The following ZNF385D variants were observed in gnomAD, a reference collection of about 807,000 sequenced individuals.
The protein encoded by ZNF385D is zinc finger protein 385D.
Under a neutral mutation model 35.8 loss-of-function variants are expected in ZNF385D, and 15 were observed. The observed-to-expected ratio is 0.42, with a 90% confidence interval of 0.28 to 0.64. The LOEUF (loss-of-function observed/expected upper bound fraction) is 0.64. Among genes scored for constraint, ZNF385D ranks in the 30% least tolerant of loss-of-function variants. ZNF385D has a pLI of 0.23. For synonymous variants in ZNF385D, 212 were observed against 186.8 expected (o/e 1.13, Z -1.10); for missense variants, 474 against 494.6 (o/e 0.96, Z 0.39).
At chr3:21,865,431 A>G (rs1697294170) in intron 3 of ZNF385D, among the ~76,000 whole-genome samples, 1 of 152,122 alleles carries the variant, frequency 6.6e-6, no homozygotes. Context: ...CTTAAAAACC[A>G]TATTATTATT....
intron 3 of ZNF385D, among the ~76,000 whole-genome samples, chr3:21,800,503 T>C (rs2072347324): frequency 4.6e-5 from 7 of 152,228 alleles, no homozygotes; most frequent in Admixed American, 4.6e-4. Context: ...CTGGTCATAC[T>C]GGCACAAGCC....
chr3:22,103,214 A>ATT (rs34216046), intron 3 of ZNF385D, among the ~76,000 whole-genome samples: 14,709 of 147,452 alleles, frequency 0.1, 901 homozygotes, highest in Admixed American at 0.18. Context: ...CCCTGGGGCC[A>ATT]TTTTTTTTTT....
chr3:21,683,829 T>G lies in ZNF385D; in HGVS notation c.23-18801A>C, dbSNP rs1292861319. Among the ~76,000 whole-genome samples the G allele has an allele frequency of 2.0e-5, 3 of 149,972 alleles. 1 individual carries two copies. Among genetic ancestry groups the G allele is most frequent in the Non-Finnish European group, 4.4e-5 (3 of 67,428 alleles). On this transcript the variant is annotated intron_variant, in intron 1 of 7. Transcript: ENST00000281523. The stretch of plus-strand genomic sequence containing the variant: ...AGCAAGGAAAGCAAGACCTTCATTC[T>G]ACAACCACAGGAACTAAATTCTGCT...
Position 21,815,575 on chromosome 3 carries a change from T to C in ZNF385D, c.326-150547A>G, listed in dbSNP as rs907704923. ...ACCTCTCCACAAATAAACTAGCAAA[T>C]CTAGAAGAAATGGAAAAACTTCTGG... On this transcript the variant is annotated intron_variant, in intron 3 of 5. Coordinates refer to the ZNF385D transcript ENST00000494108. Among the ~76,000 whole-genome samples the C allele has an allele frequency of 5.3e-5, 8 of 152,122 alleles. No individual in the cohort carries two copies. The South Asian group carries it at 1.0e-3, about 20-fold the overall frequency.
At chr3:21,997,605 AAAAG>A (rs1695549403) in intron 3 of ZNF385D, among the ~76,000 whole-genome samples, 1 of 151,688 alleles carries the variant, frequency 6.6e-6, no homozygotes, top group Non-Finnish European at 1.5e-5. Flanking sequence ...GAAATGGAGG[AAAAG>A]AGAGAGAGAG....
At chr3:22,082,245 G>C (rs577235478) in intron 3 of ZNF385D, among the ~76,000 whole-genome samples, 1 of 152,182 alleles carries the variant, frequency 6.6e-6, no homozygotes, top group South Asian at 2.1e-4. Flanking sequence ...AAGCAGGGCA[G>C]GGCATCGCCT....
At chr3:21,592,556 C>CA (rs2064010914) in intron 2 of ZNF385D, among the ~76,000 whole-genome samples, 4 of 60,632 alleles carry the variant, frequency 6.6e-5, no homozygotes, top group East Asian at 5.9e-4. Flanking sequence ...AAAAAAAAAA[C>CA]CAAAAACAAA....
chr3:21,674,911 G>C (rs565528890), intron 1 of ZNF385D, among the ~76,000 whole-genome samples: 41 of 150,484 alleles, frequency 2.7e-4, no homozygotes, highest in African/African-American at 9.7e-4. Flanking sequence ...TGGATGGATG[G>C]ATGGATGGAT....
intron 3 of ZNF385D, among the ~76,000 whole-genome samples, chr3:21,802,918 A>G (rs984655109): frequency 1.3e-5 from 2 of 152,216 alleles, no homozygotes; most frequent in Non-Finnish European, 2.9e-5. Flanking sequence ...CCCAGGAGGA[A>G]CAAGGAAAGA....
Position 22,234,999 on chromosome 3 carries a change from T to A in ZNF385D, c.107-65964A>T, listed in dbSNP as rs537654347. Among the ~76,000 whole-genome samples the A allele has an allele frequency of 3.9e-5, 6 of 152,172 alleles. No homozygotes were observed. In the East Asian group the frequency reaches 1.2e-3, roughly 29 times the overall value. On this transcript the variant is annotated intron_variant, in intron 2 of 5. Coordinates refer to the ZNF385D transcript ENST00000494108. ...ATTTAAGTTTTTATTTCATTATATA[T>A]ACCAAATCTCAACCACATAAAGAGA...
intron 3 of ZNF385D, among the ~76,000 whole-genome samples, chr3:22,121,192 C>T (rs1229404664): frequency 6.6e-6 from 1 of 152,172 alleles, no homozygotes; most frequent in Admixed American, 6.6e-5. Context: ...CTTTCACTTA[C>T]TTCTAAACAC....
intron 1 of ZNF385D, among the ~76,000 whole-genome samples, chr3:21,737,708 A>G (rs1355783426): frequency 6.6e-6 from 1 of 152,240 alleles, no homozygotes. Flanking sequence ...TTCAAAGAGT[A>G]CATGTTCTCT....
chr3:21,771,172 T>C (rs1367140716), intron 3 of ZNF385D, among the ~76,000 whole-genome samples: 8 of 151,636 alleles, frequency 5.3e-5, no homozygotes, highest in Admixed American at 4.6e-4. Flanking sequence ...CACACCAACA[T>C]GGCACATGTA....
intron 3 of ZNF385D, among the ~76,000 whole-genome samples, chr3:22,049,340 A>ATAAAATAAAATAAAATAAATAAAT: frequency 6.6e-6 from 1 of 152,116 alleles, no homozygotes; most frequent in South Asian, 2.1e-4. Flanking sequence ...AATAAATAAA[A>ATAAAATAAAATAAAATAAATAAAT]AATGCGGTTA....
intron 2 of ZNF385D, among the ~76,000 whole-genome samples, chr3:22,180,465 T>A (rs1035634182): frequency 5.3e-5 from 8 of 152,166 alleles, no homozygotes; most frequent in African/African-American, 1.9e-4. Context: ...TACCAAAGCC[T>A]GGCAGAGACA....
At chr3:21,577,493 A>G (rs985089055) in intron 2 of ZNF385D, among the ~76,000 whole-genome samples, 7 of 152,214 alleles carry the variant, frequency 4.6e-5, no homozygotes, top group Admixed American at 3.3e-4. Context: ...TCATTTTGAC[A>G]TACTGATTTC....
intron 3 of ZNF385D, among the ~76,000 whole-genome samples, chr3:21,979,106 C>T (rs28373645): frequency 6.6e-6 from 1 of 151,880 alleles, no homozygotes. Flanking sequence ...AATTTTTTTT[C>T]AATGGTGACC....
chr3:21,801,180 G>A (rs1559634895), intron 3 of ZNF385D, among the ~76,000 whole-genome samples: 1 of 151,986 alleles, frequency 6.6e-6, no homozygotes, highest in Non-Finnish European at 1.5e-5. Context: ...AATCCTACTT[G>A]GTCCTGATTA....
chr3:21,787,968 A>C, intron 3 of ZNF385D, among the ~76,000 whole-genome samples: 1 of 79,922 alleles, frequency 1.3e-5, no homozygotes, highest in East Asian at 2.5e-4. Flanking sequence ...AAAAAAAAAA[A>C]AAAAAAAAAA....
Sources: allele counts gnomAD v4.1 joint callset (sites outside exome capture counted in the v4.1 genomes callset), GRCh38; gene constraint gnomAD v4.1.1; transcripts MANE v1.5; gene names NCBI Gene and HGNC (gene_info 2026-07-23, HGNC 2026-07-21).